Variants in IL1RAPL2 observed in about 807,000 individuals in gnomAD.
IL1RAPL2 encodes X-linked interleukin-1 receptor accessory protein-like 2.
IL1RAPL2 carries 3 observed loss-of-function variants against 44.1 expected under a neutral mutation model. That is an observed-to-expected ratio of 0.07 (90% CI 0.03 to 0.18). IL1RAPL2 has a LOEUF of 0.18. IL1RAPL2 is among the 10% of genes least tolerant of loss of function. The pLI is 1.00. For missense variants in IL1RAPL2, 391 were observed against 496.4 expected, an observed-to-expected ratio of 0.79 and a Z score of 2.02; for synonymous variants, 181 against 178.8, an observed-to-expected ratio of 1.01 and a Z score of -0.10.
intron 2 of IL1RAPL2, among the ~76,000 whole-genome samples, chrX:104,917,201 G>T (rs1270339285): frequency 1.8e-5 from 2 of 111,219 alleles, no homozygotes; most frequent in Admixed American, 9.6e-5. Context: ...TCTGGTCCTG[G>T]ACTTTTTTTG....
intron 2 of IL1RAPL2, among the ~76,000 whole-genome samples, chrX:104,965,193 T>C (rs1392420391): frequency 4.5e-5 from 5 of 111,686 alleles, no homozygotes; most frequent in East Asian, 2.8e-4. Flanking sequence ...TGGTGTTGAT[T>C]TGGGATCGTG....
At chrX:105,146,842 A>G (rs146355273) in intron 2 of IL1RAPL2, among the ~76,000 whole-genome samples, 37 of 112,160 alleles carry the variant, frequency 3.3e-4, no homozygotes, top group African/African-American at 1.2e-3. Context: ...AGGCAAAGTC[A>G]TAAATCATTA....
Position 104,934,844 on chromosome X carries a change from T to C in IL1RAPL2, c.83-260631T>C, listed in dbSNP as rs147833215. Reference sequence around the variant, plus strand: ...TATTTGTTTGGCATACAAATATAGATAGCCAACAGGGATTGTAAATAATAC... The same window carrying C: ...TATTTGTTTGGCATACAAATATAGACAGCCAACAGGGATTGTAAATAATAC... On this transcript the variant is annotated intron_variant, in intron 2 of 10. Coordinates refer to ENST00000372582, the MANE Select transcript of IL1RAPL2 (RefSeq NM_017416.2). Among the ~76,000 whole-genome samples, 1,003 of 111,897 alleles carry C rather than the reference T, an allele frequency of 9.0e-3. 7 individuals are homozygous for C. Among genetic ancestry groups the C allele is most frequent in the African/African-American group, 0.031 (944 of 30,860 alleles).
chrX:105,303,226 A>C (rs1335334765), intron 5 of IL1RAPL2, among the ~76,000 whole-genome samples: 1 of 111,731 alleles, frequency 9.0e-6, no homozygotes, highest in Non-Finnish European at 1.9e-5. Flanking sequence ...AAAACCTTTC[A>C]GAGGAGACAA....
intron 1 of IL1RAPL2, among the ~76,000 whole-genome samples, chrX:104,628,257 C>G (rs1439357387): frequency 9.0e-6 from 1 of 110,653 alleles, no homozygotes; most frequent in African/African-American, 3.3e-5. Flanking sequence ...TTATAGTCAC[C>G]CTACTCTGCT....
At chrX:105,189,345 C>T (rs182043176) in intron 2 of IL1RAPL2, among the ~76,000 whole-genome samples, 72 of 112,036 alleles carry the variant, frequency 6.4e-4, no homozygotes, top group Non-Finnish European at 1.1e-3. Context: ...CGGTCCCAAG[C>T]GACTCGTGCC....
At position 104,760,755 on chromosome X, in the gene IL1RAPL2, C is replaced by G. The variant is rs1932414343; in HGVS notation, c.82+101760C>G. ...GGGTCGTATCTTTGTTGATTGTATCCTTTGTTGTGCTGAAGCTTTTTACTG... is the reference window on the plus strand; with the variant it reads ...GGGTCGTATCTTTGTTGATTGTATCGTTTGTTGTGCTGAAGCTTTTTACTG... On this transcript the variant is annotated intron_variant, in intron 2 of 10. Coordinates refer to ENST00000372582, the MANE Select transcript of IL1RAPL2 (RefSeq NM_017416.2). 1.8e-5 allele frequency among the ~76,000 whole-genome samples: 2 copies of G among 110,793 alleles called. 1 individual carries two copies. The highest frequency in any genetic ancestry group is 6.6e-5 in the African/African-American group (2 of 30,481).
intron 3 of IL1RAPL2, among the ~76,000 whole-genome samples, chrX:105,233,015 G>A (rs538819422): frequency 8.9e-6 from 1 of 112,128 alleles, no homozygotes; most frequent in African/African-American, 3.2e-5. Context: ...TTGGCCAGGC[G>A]CCGTGGCTCA....
intron 1 of IL1RAPL2, among the ~76,000 whole-genome samples, chrX:104,582,749 C>CTTCT (rs373027468): frequency 0.038 from 3,063 of 80,947 alleles, 272 homozygotes; most frequent in African/African-American, 0.15. Flanking sequence ...TCCTTCCTTC[C>CTTCT]TTCTTTCTTT....
chrX:105,465,242 A>G (rs1195101580), intron 5 of IL1RAPL2, among the ~76,000 whole-genome samples: 2 of 112,058 alleles, frequency 1.8e-5, no homozygotes, highest in Non-Finnish European at 3.8e-5. Context: ...AAAGAAGACA[A>G]CATAGCATTT....
At chrX:105,642,108 C>T (rs1474045644) in intron 6 of IL1RAPL2, among the ~76,000 whole-genome samples, 4 of 110,374 alleles carry the variant, frequency 3.6e-5, no homozygotes, top group African/African-American at 1.3e-4. Context: ...AAATAGCCCC[C>T]AATGGTCTGG....
intron 2 of IL1RAPL2, among the ~76,000 whole-genome samples, chrX:104,909,955 G>A (rs1924177899): frequency 8.9e-6 from 1 of 112,485 alleles, no homozygotes; most frequent in Non-Finnish European, 1.9e-5. Flanking sequence ...CGCCAGCCTC[G>A]CTGACGCCTT....
intron 2 of IL1RAPL2, among the ~76,000 whole-genome samples, chrX:104,961,989 T>C (rs965568733): frequency 2.7e-5 from 3 of 112,315 alleles, no homozygotes; most frequent in African/African-American, 9.7e-5. Context: ...AAAAGTCTAA[T>C]GTGTACCATC....
In IL1RAPL2 at chrX:104,627,035, T is replaced by C. The variant is rs182377795; in HGVS notation, c.-19-31860T>C. 1.7e-3 allele frequency among the ~76,000 whole-genome samples: 190 copies of C among 109,250 alleles called. 4 individuals are homozygous for C. In the East Asian group the frequency reaches 0.037, roughly 21 times the overall value. The allele number at this position is 109,250 out of a possible 115,157, so 94.9% of individuals were successfully genotyped here. A position where few individuals can be genotyped will look rare whatever the true frequency, so the allele number is the denominator to read the frequency against. ...GGTTTCACCATTTTGGCCAGGATGG[T>C]CTCCATCTCCTGACCTCATGATCCG... On this transcript the variant is annotated intron_variant, in intron 1 of 10. Transcript: ENST00000372582.
intron 2 of IL1RAPL2, among the ~76,000 whole-genome samples, chrX:104,784,949 C>A (rs1046731182): frequency 9.0e-6 from 1 of 110,973 alleles, no homozygotes; most frequent in South Asian, 3.9e-4. Flanking sequence ...ATTTATCAAG[C>A]ATCTTTTTTA....
chrX:104,571,213 A>G (rs1164613489), intron 1 of IL1RAPL2, among the ~76,000 whole-genome samples: 9 of 111,974 alleles, frequency 8.0e-5, no homozygotes, highest in African/African-American at 1.9e-4. Flanking sequence ...TCTCTAATTC[A>G]GTATATCCTA....
At chrX:104,680,050 G>A (rs937114070) in intron 2 of IL1RAPL2, among the ~76,000 whole-genome samples, 5 of 111,681 alleles carry the variant, frequency 4.5e-5, no homozygotes, top group African/African-American at 1.6e-4. Flanking sequence ...AATGTGTTAA[G>A]GGACCAGACA....
At chrX:105,652,537 C>G (rs1361053775) in intron 6 of IL1RAPL2, among the ~76,000 whole-genome samples, 2 of 111,189 alleles carry the variant, frequency 1.8e-5, no homozygotes, top group African/African-American at 3.3e-5. Flanking sequence ...GGTGGCTGAC[C>G]ACGTTAAGAC....
At chrX:105,232,336 G>A (rs781950044) in intron 3 of IL1RAPL2, among the ~76,000 whole-genome samples, 10 of 111,982 alleles carry the variant, frequency 8.9e-5, no homozygotes, top group East Asian at 2.8e-4. Flanking sequence ...GAACAGTGCC[G>A]ATCATTTGGT....
Sources: gnomAD v4.1 joint callset for allele counts (sites outside exome capture counted in the v4.1 genomes callset) on GRCh38, gnomAD v4.1.1 for gene constraint, MANE v1.5 for transcripts, NCBI Gene and HGNC (gene_info 2026-07-23, HGNC 2026-07-21) for gene names.